GNAL: variants seen among roughly 807,000 people sequenced by gnomAD.
GNAL encodes guanine nucleotide-binding protein G(olf) subunit alpha.
Under a neutral mutation model 55.1 loss-of-function variants are expected in GNAL, and 18 were observed. The observed-to-expected ratio is 0.33, with a 90% CI of 0.23 to 0.48. The LOEUF is 0.48. Among genes scored for constraint, GNAL ranks in the 20% least tolerant of loss-of-function variants. GNAL has a pLI of 0.99. For missense variants in GNAL, 412 were observed against 614.1 expected (o/e 0.67, Z 3.48); for synonymous variants, 253 against 237.0 (o/e 1.07, Z -0.62).
chr18:11,789,536 A>G (rs1278247361), intron 4 of GNAL, among the ~76,000 whole-genome samples: 1 of 152,058 alleles, frequency 6.6e-6, no homozygotes, highest in Non-Finnish European at 1.5e-5. Flanking sequence ...ATGGCACCAT[A>G]TGGTGGGGAA....
At chr18:11,704,508 G>A (rs555385870) in intron 1 of GNAL, among the ~76,000 whole-genome samples, 10 of 152,294 alleles carry the variant, frequency 6.6e-5, no homozygotes, top group African/African-American at 2.2e-4. Flanking sequence ...ACCCCCATCT[G>A]TAATATGTGC....
At chr18:11,800,927 C>G (rs1449786540) in intron 4 of GNAL, among the ~76,000 whole-genome samples, 1 of 152,144 alleles carries the variant, frequency 6.6e-6, no homozygotes, top group African/African-American at 2.4e-5. Context: ...AATACAACTC[C>G]CACTTGCAGA....
At chr18:11,800,978 A>G (rs2034506834) in intron 4 of GNAL, among the ~76,000 whole-genome samples, 1 of 152,212 alleles carries the variant, frequency 6.6e-6, no homozygotes, top group Admixed American at 6.5e-5. Context: ...GCTAACAAAT[A>G]ATTGATATGA....
At chr18:11,855,191 C>T (rs965585826) in intron 5 of GNAL, among the ~76,000 whole-genome samples, 4 of 152,184 alleles carry the variant, frequency 2.6e-5, no homozygotes, top group African/African-American at 4.8e-5. Context: ...CCGCCTGCCT[C>T]GGCCTCCCAA....
chr18:11,758,326 C>G (rs566358394), intron 4 of GNAL, among the ~76,000 whole-genome samples: 2 of 152,080 alleles, frequency 1.3e-5, no homozygotes, highest in African/African-American at 4.8e-5. Flanking sequence ...TGGGGATGAT[C>G]GTCTAGTTTT....
chr18:11,729,462 C>T (rs1598415368), intron 1 of GNAL, among the ~76,000 whole-genome samples: 3 of 152,286 alleles, frequency 2.0e-5, no homozygotes, highest in South Asian at 2.1e-4. Flanking sequence ...CCAGATTTAA[C>T]GGTCGATTAC....
At chr18:11,837,045 C>T (rs547445859) in intron 5 of GNAL, among the ~76,000 whole-genome samples, 96 of 152,336 alleles carry the variant, frequency 6.3e-4, no homozygotes, top group Non-Finnish European at 1.1e-3. Context: ...CCTCCACCTC[C>T]TGGGTTCAAG....
chr18:11,748,675 A>G (rs2032744713), intron 1 of GNAL, among the ~76,000 whole-genome samples: 2 of 152,156 alleles, frequency 1.3e-5, no homozygotes, highest in Admixed American at 1.3e-4. Flanking sequence ...TGTGACTTCT[A>G]GGTTCTAACA....
chr18:11,756,003 T>G (rs755400935), intron 4 of GNAL, among the ~76,000 whole-genome samples: 5 of 152,230 alleles, frequency 3.3e-5, no homozygotes, highest in Non-Finnish European at 5.9e-5. Flanking sequence ...CATGTTTGCC[T>G]AGAAGTAATC....
At chr18:11,833,865 A>G (rs2035443438) in intron 5 of GNAL, among the ~76,000 whole-genome samples, 1 of 152,222 alleles carries the variant, frequency 6.6e-6, no homozygotes, top group Non-Finnish European at 1.5e-5. Context: ...ACGGAACTGT[A>G]TGGAATGCCA....
chr18:11,852,685 G>A (rs1356988045), intron 5 of GNAL: 1 of 164,098 alleles, frequency 6.1e-6, no homozygotes, highest in Admixed American at 6.6e-5. Context: ...TAATAAATGT[G>A]GTCCTATAAT....
Position 11,874,759 on chromosome 18 carries a change from A to T in GNAL, c.1163-1862A>T, listed in dbSNP as rs2036490097. Among the ~76,000 whole-genome samples, 3 of 136,474 alleles carry T rather than the reference A, an allele frequency of 2.2e-5. No homozygotes were observed. The South Asian group carries it at 7.3e-4, about 33-fold the overall frequency. 89.5% of individuals were successfully genotyped at this position (136,474 alleles called of 152,430 possible). A position where few individuals can be genotyped will look rare whatever the true frequency, so the allele number is the denominator to read the frequency against. On this transcript the variant is annotated intron_variant, in intron 10 of 11. Coordinates refer to ENST00000334049, the MANE Select transcript of GNAL (RefSeq NM_182978.4). Reference sequence around the variant, plus strand: ...TAAATGACATGGGCGCTCCCCAGCCACTCCAGAACACAGCCCAGGCAGAGA... The same window carrying T: ...TAAATGACATGGGCGCTCCCCAGCCTCTCCAGAACACAGCCCAGGCAGAGA...
intron 5 of GNAL, chr18:11,851,554 G>A: frequency 6.2e-7 from 1 of 1,608,848 alleles, no homozygotes; most frequent in Non-Finnish European, 8.5e-7. Flanking sequence ...GAAGTTCGCG[G>A]CCAAAGAACT....
In GNAL at chr18:11,884,987, G is replaced by C; in HGVS notation, c.*3852G>C. The C allele has an allele frequency of 7.7e-7, 1 of 1,302,692 alleles. No homozygotes were observed. The allele number at this position is 1,302,692 out of a possible 1,614,324, so 80.7% of individuals were successfully genotyped here. ...AGTTCCAGGGTCATCGGTCAGCGAG[G>C]AACAAGGAGGGAAAGGTGTCTTCCT... is the stretch of plus-strand genomic sequence containing the variant. On this transcript the variant is annotated 3_prime_UTR_variant, in exon 12 of 12. Coordinates refer to ENST00000334049, the MANE Select transcript of GNAL (RefSeq NM_182978.4).
chr18:11,746,751 G>A (rs367769222), intron 1 of GNAL: 52 of 303,886 alleles, frequency 1.7e-4, no homozygotes, highest in Non-Finnish European at 3.0e-4. Context: ...TGAAAGAGAC[G>A]CAGTGCAAAA....
In GNAL at chr18:11,751,523, G is replaced by A. The variant is rs1049646587; in HGVS notation, c.377-1330G>A. 1.4e-5 allele frequency: 14 copies of A among 985,388 alleles called. No homozygotes were observed. The highest frequency in any genetic ancestry group is 1.7e-5 in the Non-Finnish European group (14 of 829,994). 61.0% of individuals were successfully genotyped at this position (985,388 alleles called of 1,614,324 possible). A position where few individuals can be genotyped will look rare whatever the true frequency, so the allele number is the denominator to read the frequency against. On this transcript the variant is annotated intron_variant, in intron 1 of 11. Transcript: ENST00000334049. This position sits in a 1 kb window ranked among gnomAD's most constrained non-coding sequence, Gnocchi z 4.5. ...CGGTGTGACTGGTGAGCCTCGGAGG[G>A]ATCCTCCTCCCTGCTAGAATATGCA...
At position 11,689,879 on chromosome 18, in the gene GNAL, G is replaced by A. The variant is rs753116183; in HGVS notation, c.316G>A (p.Asp106Asn). 7 of 1,501,002 alleles carry A rather than the reference G, an allele frequency of 4.7e-6. No homozygotes were observed. The South Asian group carries it at 7.5e-5, about 16-fold the overall frequency. 93.0% of individuals were successfully genotyped at this position (1,501,002 alleles called of 1,614,324 possible). The stretch of plus-strand genomic sequence containing the variant: ...GGCGAGGAAAGTGAGCCGGGGCATC[G>A]ACCGCATGCTGCGCGACCAGAAGCG... ...KEARKVSRGI[D>N]RMLRDQKRDL... The change falls in exon 1 of 12, where the codon GAC (aspartate) becomes AAC (asparagine). Residue 106 changes from aspartate to asparagine, a missense_variant. Asp to Asn is a conservative substitution (Grantham distance 23, BLOSUM62 1). Around this residue, in one of 5 missense-constraint regions of GNAL, gnomAD observed 228 missense variants for 194.8 expected, o/e 1.17. Transcript: ENST00000334049.
At chr18:11,880,882 C>A in intron 11 of GNAL, 107 bp from the exon 12 acceptor site, 1 of 1,165,906 alleles carries the variant, frequency 8.6e-7, no homozygotes. Context: ...GCAAAACAAG[C>A]AGGCCACTGT....
At chr18:11,749,614 C>T (rs1458396168) in intron 1 of GNAL, among the ~76,000 whole-genome samples, 1 of 152,178 alleles carries the variant, frequency 6.6e-6, no homozygotes, top group Admixed American at 6.5e-5. Context: ...CTCAAGGAGT[C>T]CACAGTCTAG....
Sources: allele counts gnomAD v4.1 joint callset (sites outside exome capture counted in the v4.1 genomes callset), GRCh38; gene constraint gnomAD v4.1.1; regional missense constraint gnomAD v4.1.1; non-coding constraint Gnocchi (gnomAD v3.1); transcripts MANE v1.5; gene names NCBI Gene and HGNC (gene_info 2026-07-23, HGNC 2026-07-21).